The following CAPN13 variants were observed in gnomAD, a reference collection of about 807,000 sequenced individuals.
The protein encoded by CAPN13 is calpain 13.
Under a neutral mutation model 98.4 loss-of-function variants are expected in CAPN13, and 90 were observed. That is an observed-to-expected ratio of 0.92 (90% CI 0.77 to 1.09). The LOEUF (loss-of-function observed/expected upper bound fraction) is 1.09, where lower values mean the gene tolerates loss of function less well. CAPN13 is among the 50% of genes least tolerant of loss of function. The pLI is 0.00. For synonymous variants in CAPN13, 330 were observed against 305.5 expected (o/e 1.08, Z -0.84); for missense variants, 887 against 841.3 (o/e 1.05, Z -0.67).
At chr2:30,740,082 G>GTTT (rs143581068) in intron 15 of CAPN13, among the ~76,000 whole-genome samples, 4 of 121,442 alleles carry the variant, frequency 3.3e-5, no homozygotes, top group South Asian at 2.6e-4. Context: ...ATTGTATTAG[G>GTTT]TTTTTTTTTT....
In CAPN13 at chr2:30,770,510, C is replaced by A. The variant is rs2148037159; in HGVS notation, c.388-61G>T. 3 of 1,579,970 alleles carry A rather than the reference C, an allele frequency of 1.9e-6. No individual in the cohort carries two copies. In the South Asian group the frequency reaches 3.5e-5, roughly 18 times the overall value. ...GAGGCAGAAGGGAGCTCCTGGGTCC[C>A]CCAACCTAAGCCAAAAGTTGCAACA... is the stretch of plus-strand genomic sequence containing the variant. On this transcript the variant is annotated intron_variant, in intron 4 of 22. Transcript: ENST00000295055.
chr2:30,726,742 C>G (rs147043883), intron 22 of CAPN13, among the ~76,000 whole-genome samples: 82 of 152,040 alleles, frequency 5.4e-4, no homozygotes, highest in African/African-American at 1.9e-3. Flanking sequence ...AATGAAGAGA[C>G]GCATGGAACA....
At chr2:30,792,739 C>G (rs1674665775) in intron 1 of CAPN13, among the ~76,000 whole-genome samples, 1 of 151,542 alleles carries the variant, frequency 6.6e-6, no homozygotes, top group South Asian at 2.1e-4. Flanking sequence ...AAAACGAAAC[C>G]TCATAAAGAA....
At chr2:30,735,436 G>A (rs1671309045) in intron 18 of CAPN13, among the ~76,000 whole-genome samples, 1 of 152,230 alleles carries the variant, frequency 6.6e-6, no homozygotes, top group South Asian at 2.1e-4. Context: ...CTTTTTGGGG[G>A]CCTTATTCGG....
At chr2:30,724,032 T>G (rs1670777516) in intron 22 of CAPN13, among the ~76,000 whole-genome samples, 1 of 152,218 alleles carries the variant, frequency 6.6e-6, no homozygotes, top group Non-Finnish European at 1.5e-5. Flanking sequence ...AGTTAATTCT[T>G]GATTTGTCAA....
intron 3 of CAPN13, 123 bp downstream of exon 3, chr2:30,777,444 T>C: frequency 1.2e-6 from 1 of 810,946 alleles, no homozygotes; most frequent in Non-Finnish European, 2.1e-6. Flanking sequence ...GTGAGCAGTT[T>C]GTCCACGGCA....
At chr2:30,796,462 G>A (rs1383740530) in intron 1 of CAPN13, among the ~76,000 whole-genome samples, 1 of 151,894 alleles carries the variant, frequency 6.6e-6, no homozygotes, top group Non-Finnish European at 1.5e-5. Context: ...TCATTGCACT[G>A]TAATAGTCAC....
intron 15 of CAPN13, among the ~76,000 whole-genome samples, chr2:30,739,706 G>GT (rs1440198270): frequency 1.3e-5 from 2 of 152,158 alleles, no homozygotes; most frequent in African/African-American, 4.8e-5. Context: ...GGCATGGACC[G>GT]TGTCTTTTTC....
chr2:30,726,281 A>G (rs1466547722), intron 22 of CAPN13, among the ~76,000 whole-genome samples: 1 of 152,212 alleles, frequency 6.6e-6, no homozygotes. Context: ...CACAGTGATC[A>G]TCATATTTAA....
intron 11 of CAPN13, among the ~76,000 whole-genome samples, chr2:30,748,816 A>C (rs1281855747): frequency 6.6e-6 from 1 of 152,200 alleles, no homozygotes; most frequent in Non-Finnish European, 1.5e-5. Flanking sequence ...AGGCACCTCA[A>C]AACTACTGTG....
chr2:30,774,634 G>T (rs1673593499), intron 4 of CAPN13, among the ~76,000 whole-genome samples: 1 of 152,096 alleles, frequency 6.6e-6, no homozygotes, highest in Admixed American at 6.5e-5. Flanking sequence ...AGACCTGTTG[G>T]ATAGCTATTG....
At chr2:30,742,471 G>A (rs756985385) in intron 13 of CAPN13, 112 bp from the exon 14 acceptor site, 15 of 1,183,086 alleles carry the variant, frequency 1.3e-5, no homozygotes, top group Non-Finnish European at 1.7e-5. Context: ...TTCCTGAATG[G>A]GGCACCCTCA....
At chr2:30,735,470 C>T (rs1308557197) in intron 18 of CAPN13, among the ~76,000 whole-genome samples, 1 of 152,222 alleles carries the variant, frequency 6.6e-6, no homozygotes, top group African/African-American at 2.4e-5. Context: ...CAAGGACAGA[C>T]CTAGACTGTT....
chr2:30,764,374 C>T, intron 5 of CAPN13, 68 bp from the exon 6 acceptor site: 1 of 1,530,776 alleles, frequency 6.5e-7, no homozygotes, highest in Non-Finnish European at 8.9e-7. Context: ...GGAGCTTGTG[C>T]ACTGATCCTC....
chr2:30,738,135 G>T (rs1671467738), intron 17 of CAPN13, 100 bp downstream of exon 17: 6 of 1,225,984 alleles, frequency 4.9e-6, no homozygotes, highest in African/African-American at 4.5e-5. Context: ...AGAAAATACT[G>T]AGTGGGAAAA....
At chr2:30,743,244 TC>T (rs955956592) in intron 13 of CAPN13, 138 bp downstream of exon 13, 16 of 787,898 alleles carry the variant, frequency 2.0e-5, no homozygotes, top group African/African-American at 3.4e-5. Context: ...GGTGAGCTGC[TC>T]TAGAGTGGGG....
intron 22 of CAPN13, among the ~76,000 whole-genome samples, chr2:30,726,218 C>G (rs9309682): frequency 0.43 from 65,479 of 151,988 alleles, 14,267 homozygotes; most frequent in East Asian, 0.65. Context: ...ACTCAGCCAG[C>G]TACAAATAGA....
intron 19 of CAPN13, 51 bp downstream of exon 19, chr2:30,734,398 C>T (rs1056196852): frequency 7.6e-6 from 11 of 1,449,982 alleles, no homozygotes; most frequent in Non-Finnish European, 1.1e-5. Flanking sequence ...GTGTGGGCAT[C>T]ACCCCCCTCC....
intron 4 of CAPN13, among the ~76,000 whole-genome samples, chr2:30,771,765 T>A (rs1337608886): frequency 1.3e-5 from 2 of 152,240 alleles, no homozygotes; most frequent in African/African-American, 4.8e-5. Flanking sequence ...TCTTGCCTCT[T>A]ATTACTTTAG....
Sources: gnomAD v4.1 joint callset for allele counts (sites outside exome capture counted in the v4.1 genomes callset) on GRCh38, gnomAD v4.1.1 for gene constraint, MANE v1.5 for transcripts, NCBI Gene and HGNC (gene_info 2026-07-23, HGNC 2026-07-21) for gene names.